TMC1: variants seen among roughly 807,000 people sequenced by gnomAD.
TMC1 encodes transmembrane channel like 1.
Under a neutral mutation model 105.8 loss-of-function variants are expected in TMC1, and 84 were observed. That is an observed-to-expected ratio of 0.79 (90% CI 0.67 to 0.95). The LOEUF is 0.95. TMC1 is among the 40% of genes least tolerant of loss of function. TMC1 has a pLI of 0.00. For missense variants in TMC1, 817 were observed against 914.1 expected (o/e 0.89, Z 1.37); for synonymous variants, 315 against 311.5 (o/e 1.01, Z -0.12).
At chr9:72,800,132 T>C (rs1381668980) in intron 17 of TMC1, among the ~76,000 whole-genome samples, 1 of 152,258 alleles carries the variant, frequency 6.6e-6, no homozygotes, top group South Asian at 2.1e-4. Context: ...ACCACTACAT[T>C]TATGGCAATT....
chr9:72,576,710 C>G (rs1443907417), intron 1 of TMC1, among the ~76,000 whole-genome samples: 2 of 149,446 alleles, frequency 1.3e-5, no homozygotes, highest in African/African-American at 2.5e-5. Context: ...ACTGCAGTCT[C>G]TGTCTCCCTC....
chr9:72,647,429 C>T (rs1026756169), intron 4 of TMC1, among the ~76,000 whole-genome samples: 3 of 151,958 alleles, frequency 2.0e-5, no homozygotes, highest in Non-Finnish European at 4.4e-5. Context: ...TAATATAAAT[C>T]AAATTGCATG....
At chr9:72,572,324 G>A (rs1824302558) in intron 1 of TMC1, among the ~76,000 whole-genome samples, 1 of 151,890 alleles carries the variant, frequency 6.6e-6, no homozygotes, top group African/African-American at 2.4e-5. Flanking sequence ...GGCCTCCTGA[G>A]TAGCTAGGAC....
rs147373895 is a variant in TMC1, at chr9:72,579,274, A to G, written c.-306+1251A>G. On this transcript the variant is annotated intron_variant, in intron 2 of 23. Transcript: ENST00000297784. ...GTTTCTCCTAACTCTGTTACTGCTC[A>G]TGAGTTTAAAACTTTGTCTTCTCAG... Among the ~76,000 whole-genome samples, 544 of 152,194 alleles carry G rather than the reference A, an allele frequency of 3.6e-3. 2 individuals are homozygous for G. The highest frequency in any genetic ancestry group is 6.5e-3 in the Non-Finnish European group (444 of 68,012).
chr9:72,555,973 C>CAAAAAAAAAAAAAAAAA (rs59431883), intron 1 of TMC1, among the ~76,000 whole-genome samples: 3 of 42,578 alleles, frequency 7.0e-5, no homozygotes, highest in African/African-American at 9.5e-5. Flanking sequence ...ATGACTAAGG[C>CAAAAAAAAAAAAAAAAA]AAAAAAAAAA....
intron 2 of TMC1, among the ~76,000 whole-genome samples, chr9:72,592,481 C>T (rs1051439710): frequency 6.6e-6 from 1 of 152,304 alleles, no homozygotes; most frequent in East Asian, 1.9e-4. Flanking sequence ...AGCCTCAGCA[C>T]CTTGCTGTGA....
rs1375266244 is a variant in TMC1 at position 72,805,408 on chromosome 9, T to G, written c.1593T>G (p.Asp531Glu). 1 of 1,613,936 alleles carries G rather than the reference T, an allele frequency of 6.2e-7. No homozygotes were observed. The highest frequency in any genetic ancestry group is 8.5e-7 in the Non-Finnish European group (1 of 1,179,946). ...AGTTTGTGAGGCTGACAGTCTCTGA[T>G]GTTCTGACCACCTACGTCACAATCC... The part of the protein sequence containing the change: ...GQEFVRLTVS[D>E]VLTTYVTILI... The change falls in exon 18 of 24, where the codon GAT becomes GAG. Residue 531 changes from aspartate to glutamate, a missense_variant. By Grantham distance (45) the Asp-to-Glu change is conservative. Transcript: ENST00000297784.
intron 4 of TMC1, among the ~76,000 whole-genome samples, chr9:72,630,649 A>G (rs1825433948): frequency 6.6e-6 from 1 of 152,136 alleles, no homozygotes; most frequent in African/African-American, 2.4e-5. Flanking sequence ...AGATACTGAA[A>G]CATTTTGTGT....
intron 5 of TMC1, among the ~76,000 whole-genome samples, chr9:72,668,323 G>A (rs186759536): frequency 6.6e-6 from 1 of 152,294 alleles, no homozygotes; most frequent in Admixed American, 6.5e-5. Flanking sequence ...GCAGAGCTAG[G>A]TTTTGAACGC....
In TMC1 at chr9:72,742,432, C is replaced by G; in HGVS notation, c.454-12C>G. The G allele has an allele frequency of 6.2e-7, 1 of 1,612,318 alleles. No homozygotes were observed. On this transcript the variant is annotated splice_polypyrimidine_tract_variant and intron_variant, in intron 9 of 23. Coordinates refer to ENST00000297784, the MANE Select transcript of TMC1 (RefSeq NM_138691.3). ...GGTTGGACTTTACTTTTGTATTTGACTTTCTTTTCAGAAATGGGCAAAATT... is the reference window on the plus strand; with the variant it reads ...GGTTGGACTTTACTTTTGTATTTGAGTTTCTTTTCAGAAATGGGCAAAATT...
chr9:72,700,444 A>G, intron 7 of TMC1, 74 bp from the exon 8 acceptor site: 1 of 1,297,182 alleles, frequency 7.7e-7, no homozygotes. Context: ...TAAATATCTG[A>G]TACCTGCCTT....
chr9:72,734,764 C>T (rs1165737611), intron 8 of TMC1, among the ~76,000 whole-genome samples: 1 of 152,152 alleles, frequency 6.6e-6, no homozygotes, highest in Non-Finnish European at 1.5e-5. Flanking sequence ...GTTGCCTAAA[C>T]ACCAGTTTTG....
intron 4 of TMC1, among the ~76,000 whole-genome samples, chr9:72,632,525 T>A (rs1825467696): frequency 1.3e-5 from 2 of 151,978 alleles, no homozygotes; most frequent in South Asian, 4.2e-4. Flanking sequence ...AAAAGAAAGG[T>A]AATGGATATA....
At chr9:72,776,760 A>G (rs1828012357) in intron 13 of TMC1, among the ~76,000 whole-genome samples, 1 of 152,098 alleles carries the variant, frequency 6.6e-6, no homozygotes, top group South Asian at 2.1e-4. Context: ...ACTAAGTTCA[A>G]ATGCCCAGTA....
intron 5 of TMC1, among the ~76,000 whole-genome samples, chr9:72,650,901 T>TATATATATATATATATATATATAA (rs1825800851): frequency 7.0e-6 from 1 of 142,538 alleles, no homozygotes; most frequent in Non-Finnish European, 1.5e-5. Context: ...GATATATATA[T>TATATATATATATATATATATATAA]AAATATATAT....
intron 8 of TMC1, among the ~76,000 whole-genome samples, chr9:72,725,325 G>GTATATACATA (rs1827097146): frequency 5.1e-5 from 4 of 77,684 alleles, no homozygotes; most frequent in South Asian, 1.1e-3. Flanking sequence ...ATGTGTGTAT[G>GTATATACATA]TATATATATA....
intron 5 of TMC1, among the ~76,000 whole-genome samples, chr9:72,665,846 G>A (rs966860851): frequency 6.6e-6 from 1 of 152,198 alleles, no homozygotes; most frequent in Admixed American, 6.5e-5. Context: ...ACCAACACCA[G>A]CTTCTGGGAG....
chr9:72,829,049 G>C (rs761396642), intron 21 of TMC1, among the ~76,000 whole-genome samples: 13 of 152,188 alleles, frequency 8.5e-5, no homozygotes, highest in Admixed American at 5.2e-4. Context: ...CTGGCCCCAT[G>C]CAAATGTCAA....
At chr9:72,567,395 A>AT (rs1329478577) in intron 1 of TMC1, among the ~76,000 whole-genome samples, 1 of 152,250 alleles carries the variant, frequency 6.6e-6, no homozygotes, top group African/African-American at 2.4e-5. Context: ...AAATGGATAT[A>AT]TAACACTGTA....
Sources: gnomAD v4.1 joint callset for allele counts (sites outside exome capture counted in the v4.1 genomes callset) on GRCh38, gnomAD v4.1.1 for gene constraint, MANE v1.5 for transcripts, NCBI Gene and HGNC (gene_info 2026-07-23, HGNC 2026-07-21) for gene names.